The following SCAMP1 variants were observed in gnomAD, a reference collection of about 807,000 sequenced individuals.
SCAMP1 encodes the protein secretory carrier-associated membrane protein 1.
Under a neutral mutation model 41.8 loss-of-function variants are expected in SCAMP1, and 15 were observed. The observed-to-expected ratio is 0.36, with a 90% CI of 0.24 to 0.55. The LOEUF (loss-of-function observed/expected upper bound fraction) is 0.55. Among genes scored for constraint, SCAMP1 ranks in the 20% least tolerant of loss-of-function variants. The probability of loss-of-function intolerance (pLI) is 0.86; values close to 1 mark genes in which losing one functional copy is unlikely to be tolerated. For missense variants in SCAMP1, 341 were observed against 412.6 expected, an observed-to-expected ratio of 0.83 and a Z score of 1.50; for synonymous variants, 135 against 136.8, an observed-to-expected ratio of 0.99 and a Z score of 0.09.
At chr5:78,426,492 G>C (rs945265757) in intron 6 of SCAMP1, among the ~76,000 whole-genome samples, 1 of 152,194 alleles carries the variant, frequency 6.6e-6, no homozygotes, top group African/African-American at 2.4e-5. Flanking sequence ...TAACTGGCAT[G>C]AGATTGTATC....
intron 6 of SCAMP1, among the ~76,000 whole-genome samples, chr5:78,442,404 G>A (rs753510591): frequency 6.6e-6 from 1 of 152,084 alleles, no homozygotes; most frequent in Admixed American, 6.5e-5. Context: ...CTGAGTAGGT[G>A]TCCACAACCA....
At chr5:78,425,342 T>C (rs570310333) in intron 6 of SCAMP1, among the ~76,000 whole-genome samples, 120 of 152,318 alleles carry the variant, frequency 7.9e-4, no homozygotes, top group African/African-American at 2.8e-3. Context: ...AAATGGAACA[T>C]TATCAATACC....
At chr5:78,429,587 C>T (rs1752552332) in intron 6 of SCAMP1, among the ~76,000 whole-genome samples, 2 of 151,910 alleles carry the variant, frequency 1.3e-5, no homozygotes, top group East Asian at 3.9e-4. Context: ...ATGATTTGCC[C>T]TACCTTGGTT....
intron 1 of SCAMP1, among the ~76,000 whole-genome samples, chr5:78,369,675 G>A (rs1190990719): frequency 2.6e-5 from 4 of 152,198 alleles, no homozygotes; most frequent in African/African-American, 7.2e-5. Context: ...TTTAAAAAAG[G>A]CAATATCTGT....
At chr5:78,429,274 A>ATT (rs549909589) in intron 6 of SCAMP1, among the ~76,000 whole-genome samples, 3 of 139,130 alleles carry the variant, frequency 2.2e-5, no homozygotes, top group South Asian at 4.5e-4. Context: ...TTGACTGTAG[A>ATT]TTTTTTTTTT....
At chr5:78,474,549 T>C (rs1753961801) in intron 8 of SCAMP1, among the ~76,000 whole-genome samples, 1 of 152,162 alleles carries the variant, frequency 6.6e-6, no homozygotes, top group South Asian at 2.1e-4. Context: ...TTTGACTCAT[T>C]CTTTTTCTTA....
intron 8 of SCAMP1, among the ~76,000 whole-genome samples, chr5:78,474,862 A>T (rs1016519720): frequency 6.6e-6 from 1 of 152,116 alleles, no homozygotes; most frequent in Non-Finnish European, 1.5e-5. Flanking sequence ...AAATTTTTGA[A>T]CCCTACTCCT....
At chr5:78,382,157 G>T (rs1751218972) in intron 1 of SCAMP1, among the ~76,000 whole-genome samples, 1 of 152,130 alleles carries the variant, frequency 6.6e-6, no homozygotes, top group Non-Finnish European at 1.5e-5. Flanking sequence ...AAATTCTGGG[G>T]GTTGGGTGCA....
chr5:78,480,592 G>A lies in SCAMP1; in HGVS notation c.*4924G>A, dbSNP rs1025047191. On this transcript the variant is annotated 3_prime_UTR_variant, in exon 9 of 9. Transcript: ENST00000621999. ...TCACTGTGGTATCTACAGTATTCTA[G>A]TCTCCTGCACAAAAACTGAACCCAC... is the stretch of plus-strand genomic sequence containing the variant. Among the ~76,000 whole-genome samples the A allele has an allele frequency of 6.6e-6, 1 of 152,116 alleles. No homozygotes were observed. Among genetic ancestry groups the A allele is most frequent in the African/African-American group, 2.4e-5 (1 of 41,428 alleles).
intron 6 of SCAMP1, among the ~76,000 whole-genome samples, chr5:78,442,582 G>T (rs1365142085): frequency 6.6e-6 from 1 of 152,112 alleles, no homozygotes; most frequent in Non-Finnish European, 1.5e-5. Context: ...TAAGAGCATA[G>T]CCTATGTAAT....
At chr5:78,409,422 T>TACACACACACAC (rs59969661) in intron 2 of SCAMP1, among the ~76,000 whole-genome samples, 156 of 148,900 alleles carry the variant, frequency 1.0e-3, no homozygotes, top group African/African-American at 3.6e-3. Context: ...CACATATAGA[T>TACACACACACAC]ACACACACAC....
intron 7 of SCAMP1, among the ~76,000 whole-genome samples, chr5:78,450,412 A>G (rs1753194022): frequency 6.6e-6 from 1 of 152,198 alleles, no homozygotes; most frequent in Non-Finnish European, 1.5e-5. Context: ...ATAAAGCCCT[A>G]TTTTAGGTAT....
chr5:78,448,599 G>A (rs1438432679), intron 6 of SCAMP1, among the ~76,000 whole-genome samples: 2 of 152,160 alleles, frequency 1.3e-5, no homozygotes, highest in Non-Finnish European at 2.9e-5. Context: ...AACCATGTAA[G>A]ATATTACTGT....
At chr5:78,424,882 GAA>G (rs1354915441) in intron 6 of SCAMP1, among the ~76,000 whole-genome samples, 1 of 152,226 alleles carries the variant, frequency 6.6e-6, no homozygotes. Context: ...AACAGACTGA[GAA>G]AGAGTATTTG....
rs116648336 is a variant in SCAMP1, at chr5:78,422,754, T to A, written c.632+794T>A. Among the ~76,000 whole-genome samples the A allele has an allele frequency of 3.6e-3, 550 of 152,338 alleles. 6 individuals carry two copies. Among genetic ancestry groups the A allele is most frequent in the African/African-American group, 0.013 (532 of 41,578 alleles). ...GTTGGACTATTGCTTTAAGAAGTAT[T>A]GGGAAATACTGATTGAAATGATAGT... On this transcript the variant is annotated intron_variant, in intron 6 of 8. Transcript: ENST00000621999.
At chr5:78,433,302 A>G (rs1193219133) in intron 6 of SCAMP1, among the ~76,000 whole-genome samples, 1 of 152,056 alleles carries the variant, frequency 6.6e-6, no homozygotes, top group South Asian at 2.1e-4. Flanking sequence ...ATGCCTCATA[A>G]TTTCTTGTTA....
chr5:78,446,037 A>G (rs946584196), intron 6 of SCAMP1, among the ~76,000 whole-genome samples: 3 of 152,206 alleles, frequency 2.0e-5, no homozygotes, highest in South Asian at 2.1e-4. Flanking sequence ...AATAAATACA[A>G]TCTTTGAGAA....
chr5:78,407,526 C>G (rs903753019), intron 2 of SCAMP1, among the ~76,000 whole-genome samples: 7 of 150,608 alleles, frequency 4.6e-5, no homozygotes, highest in Non-Finnish European at 1.0e-4. Flanking sequence ...TGTGATGTAT[C>G]TGAGTGTTAC....
At chr5:78,450,528 T>C (rs1447547558) in intron 7 of SCAMP1, among the ~76,000 whole-genome samples, 2 of 152,196 alleles carry the variant, frequency 1.3e-5, no homozygotes, top group Non-Finnish European at 2.9e-5. Flanking sequence ...AATCGAATCA[T>C]TCTCATGGCT....
Sources: gnomAD v4.1 joint callset for allele counts (sites outside exome capture counted in the v4.1 genomes callset) on GRCh38, gnomAD v4.1.1 for gene constraint, MANE v1.5 for transcripts, NCBI Gene and HGNC (gene_info 2026-07-23, HGNC 2026-07-21) for gene names.